Variants in TRPC4 observed in about 807,000 individuals in gnomAD.
TRPC4 encodes the protein short transient receptor potential channel 4.
A neutral mutation model predicts 99.4 loss-of-function variants in TRPC4; 49 were observed. The observed-to-expected ratio is 0.49, with a 90% CI of 0.39 to 0.63. TRPC4 has a LOEUF of 0.63. TRPC4 is among the 20% of genes least tolerant of loss of function. TRPC4 has a pLI of 0.00. For synonymous variants in TRPC4, 454 were observed against 425.9 expected, an observed-to-expected ratio of 1.07 and a Z score of -0.81; for missense variants, 898 against 1,152.9, an observed-to-expected ratio of 0.78 and a Z score of 3.20.
chr13:37,752,586 G>T (rs1028907765), intron 2 of TRPC4, among the ~76,000 whole-genome samples: 1 of 150,930 alleles, frequency 6.6e-6, no homozygotes, highest in African/African-American at 2.4e-5. Context: ...TACCACTTCT[G>T]CCCCCCTCCC....
At chr13:37,796,984 T>TAAAATAAA (rs1173828244) in intron 1 of TRPC4, among the ~76,000 whole-genome samples, 4 of 148,542 alleles carry the variant, frequency 2.7e-5, no homozygotes, top group Middle Eastern at 3.2e-3. Context: ...TAAAGTAAAG[T>TAAAATAAA]AAAGTAAAGT....
At chr13:37,822,464 C>A (rs574041754) in intron 1 of TRPC4, among the ~76,000 whole-genome samples, 59 of 150,114 alleles carry the variant, frequency 3.9e-4, no homozygotes, top group Non-Finnish European at 8.0e-4. Context: ...TGTTCCCCCT[C>A]CTGTGTCCAT....
chr13:37,856,117 A>C (rs1207132964), intron 1 of TRPC4, among the ~76,000 whole-genome samples: 1 of 151,758 alleles, frequency 6.6e-6, no homozygotes, highest in African/African-American at 2.4e-5. Flanking sequence ...AGATATACAA[A>C]ACTGACAAAC....
At chr13:37,730,068 G>C (rs1468068083) in intron 3 of TRPC4, among the ~76,000 whole-genome samples, 1 of 152,024 alleles carries the variant, frequency 6.6e-6, no homozygotes. Context: ...GAAAGACTAC[G>C]ACAGAGAAAG....
chr13:37,748,028 G>A (rs563523524), intron 2 of TRPC4, among the ~76,000 whole-genome samples: 20 of 152,280 alleles, frequency 1.3e-4, no homozygotes, highest in African/African-American at 4.6e-4. Context: ...GCCTGACAAA[G>A]TGAGAATTTA....
At position 37,746,451 on chromosome 13, in the gene TRPC4, GGC is replaced by G; in HGVS notation, c.381_382del (p.Pro128SerfsTer5). On this transcript the variant is annotated frameshift_variant and splice_region_variant, in exon 3 of 11. Coordinates refer to ENST00000379705, the MANE Select transcript of TRPC4 (RefSeq NM_016179.4). LOFTEE classifies it high-confidence loss of function. Reference sequence around the variant, plus strand: ...GAACTGCTTATCAAGGAGTATAGGAGGCACCTAAAAAAAAAAAAGGCAGAGGT... The same window carrying G: ...GAACTGCTTATCAAGGAGTATAGGAGACCTAAAAAAAAAAAAGGCAGAGGT... 1 of 1,453,306 alleles carries G rather than the reference GGC, an allele frequency of 6.9e-7. No individual in the cohort carries two copies. The highest frequency in any genetic ancestry group is 2.6e-5 in the Admixed American group (1 of 38,388). 90.0% of individuals were successfully genotyped at this position (1,453,306 alleles called of 1,614,324 possible).
At chr13:37,830,141 G>T (rs925455097) in intron 1 of TRPC4, among the ~76,000 whole-genome samples, 4 of 152,000 alleles carry the variant, frequency 2.6e-5, no homozygotes, top group Non-Finnish European at 5.9e-5. Context: ...GAGTCTTATG[G>T]TATGTGAATT....
chr13:37,789,855 T>G (rs931302236), intron 1 of TRPC4, among the ~76,000 whole-genome samples: 1 of 152,090 alleles, frequency 6.6e-6, no homozygotes, highest in Admixed American at 6.6e-5. Context: ...CACAAGACTT[T>G]AGTAATTTGC....
intron 1 of TRPC4, chr13:37,854,726 A>T (rs542526560): frequency 6.6e-6 from 1 of 152,230 alleles, no homozygotes; most frequent in Admixed American, 6.5e-5. Context: ...CCTCATGGTA[A>T]CTTCGAATTG....
At chr13:37,733,238 G>A (rs78367710) in intron 3 of TRPC4, among the ~76,000 whole-genome samples, 15,490 of 152,132 alleles carry the variant, frequency 0.1, 894 homozygotes, top group Admixed American at 0.18. Flanking sequence ...GCACCAATGC[G>A]CTCCAGCTTG....
intron 6 of TRPC4, among the ~76,000 whole-genome samples, chr13:37,660,659 T>C (rs1952404858): frequency 6.6e-6 from 1 of 152,116 alleles, no homozygotes; most frequent in African/African-American, 2.4e-5. Context: ...ATGAAGATAA[T>C]AAGAGTAGCT....
rs189311438 is a variant in TRPC4 at position 37,635,670 on chromosome 13, G to A, written c.*1233C>T. Among the ~76,000 whole-genome samples the A allele has an allele frequency of 8.7e-4, 133 of 152,182 alleles. No individual in the cohort carries two copies. Among genetic ancestry groups the A allele is most frequent in the African/African-American group, 3.0e-3 (126 of 41,548 alleles). ...CCCGTAGTGGCTTAAATAGACACAAGCAATGTAAAATTTAAGCTTTAAGTT... is the reference window on the plus strand; with the variant it reads ...CCCGTAGTGGCTTAAATAGACACAAACAATGTAAAATTTAAGCTTTAAGTT... On this transcript the variant is annotated 3_prime_UTR_variant, in exon 11 of 11. Coordinates refer to ENST00000379705, the MANE Select transcript of TRPC4 (RefSeq NM_016179.4).
intron 6 of TRPC4, 55 bp from the exon 7 acceptor site, chr13:37,655,338 G>GA: frequency 9.9e-7 from 1 of 1,009,602 alleles, no homozygotes; most frequent in Non-Finnish European, 1.3e-6. Flanking sequence ...CATTATACAT[G>GA]GGATAAAACA....
intron 1 of TRPC4, among the ~76,000 whole-genome samples, chr13:37,834,875 C>A (rs1958519990): frequency 6.6e-6 from 1 of 152,052 alleles, no homozygotes; most frequent in East Asian, 1.9e-4. Flanking sequence ...ACTGGGGGTA[C>A]AGGCATGTGC....
At chr13:37,740,313 A>G (rs868628434) in intron 3 of TRPC4, among the ~76,000 whole-genome samples, 2 of 151,448 alleles carry the variant, frequency 1.3e-5, no homozygotes, top group South Asian at 4.1e-4. Flanking sequence ...AGGTAAATCA[A>G]GAACATGAGT....
intron 3 of TRPC4, among the ~76,000 whole-genome samples, chr13:37,736,042 T>C (rs1430652934): frequency 6.6e-6 from 1 of 152,166 alleles, no homozygotes; most frequent in Non-Finnish European, 1.5e-5. Context: ...AGTTATTACA[T>C]GTAACTTAAT....
chr13:37,654,387 C>T (rs17056381), intron 7 of TRPC4, among the ~76,000 whole-genome samples: 14 of 152,202 alleles, frequency 9.2e-5, no homozygotes, highest in African/African-American at 3.1e-4. Flanking sequence ...TGGTCCTAGA[C>T]GTATATCACT....
chr13:37,696,266 CA>C (rs1276096239), intron 3 of TRPC4, among the ~76,000 whole-genome samples: 2 of 152,168 alleles, frequency 1.3e-5, no homozygotes, highest in African/African-American at 4.8e-5. Flanking sequence ...GTCTCTCCCA[CA>C]ACATGTGGGA....
At chr13:37,807,935 C>T (rs1566185601) in intron 1 of TRPC4, among the ~76,000 whole-genome samples, 1 of 152,090 alleles carries the variant, frequency 6.6e-6, no homozygotes, top group South Asian at 2.1e-4. Context: ...CAGGTTCTGA[C>T]ACCCTTGTGG....
Sources: gnomAD v4.1 joint callset for allele counts (sites outside exome capture counted in the v4.1 genomes callset) on GRCh38, gnomAD v4.1.1 for gene constraint, MANE v1.5 for transcripts, NCBI Gene and HGNC (gene_info 2026-07-23, HGNC 2026-07-21) for gene names.